Variants in EDC3 observed in about 807,000 individuals in gnomAD.
The protein encoded by EDC3 is enhancer of mRNA decapping 3, also known as enhancer of mRNA-decapping protein 3.
In EDC3, 20 loss-of-function variants were observed where a neutral mutation model predicts 41.8. The observed-to-expected ratio is 0.48, with a 90% CI of 0.34 to 0.70. The LOEUF (loss-of-function observed/expected upper bound fraction) is 0.70, where lower values mean the gene tolerates loss of function less well. EDC3 is among the 30% of genes least tolerant of loss of function. EDC3 has a pLI of 0.01. For synonymous variants in EDC3, 206 were observed against 243.2 expected (o/e 0.85, Z 1.42); for missense variants, 444 against 636.8 (o/e 0.70, Z 3.26).
intron 1 of EDC3, among the ~76,000 whole-genome samples, chr15:74,693,590 C>T (rs181117671): frequency 8.9e-4 from 135 of 152,258 alleles, no homozygotes; most frequent in South Asian, 2.5e-3. Flanking sequence ...TAAGTAGTGT[C>T]CACAAATCAA....
chr15:74,638,239 T>C (rs567425313), intron 5 of EDC3: 2 of 152,112 alleles, frequency 1.3e-5, no homozygotes, highest in African/African-American at 2.4e-5. Context: ...CTTCTCCTTA[T>C]ATGATCTCAT....
chr15:74,649,695 G>C (rs1220731539), intron 4 of EDC3, among the ~76,000 whole-genome samples: 1 of 152,084 alleles, frequency 6.6e-6, no homozygotes, highest in East Asian at 1.9e-4. Flanking sequence ...CCACTTTATA[G>C]ATAAGGAAAC....
At chr15:74,645,724 A>C (rs1567158655) in intron 4 of EDC3, among the ~76,000 whole-genome samples, 1 of 151,792 alleles carries the variant, frequency 6.6e-6, no homozygotes, top group Admixed American at 6.6e-5. Context: ...CAAAAAAAAA[A>C]AAAAAATTAG....
intron 5 of EDC3, 137 bp downstream of exon 5, chr15:74,640,329 A>C: frequency 1.0e-6 from 1 of 976,108 alleles, no homozygotes; most frequent in Non-Finnish European, 1.5e-6. Context: ...CAGGAAAGTG[A>C]CTTCAGAGAG....
intron 1 of EDC3, among the ~76,000 whole-genome samples, 154 bp from the exon 2 acceptor site, chr15:74,675,296 A>T (rs769732731): frequency 2.6e-5 from 4 of 151,920 alleles, no homozygotes; most frequent in Admixed American, 6.6e-5. Flanking sequence ...AAAAATTAAA[A>T]TTTTTTTTCA....
rs375577225 is a variant in EDC3, at chr15:74,632,890, C to T, written c.1249G>A (p.Val417Ile). 41 of 1,614,214 alleles carry T rather than the reference C, an allele frequency of 2.5e-5. No individual in the cohort carries two copies. The highest frequency in any genetic ancestry group is 8.3e-5 in the Admixed American group (5 of 60,034). ...VINCLDCPEN[V>I]FLRDQPWYKA... ...TACCAGGGTTGATCGCGCAGGAAGA[C>T]GTTCTCAGGGCAATCCAGGCAGTTG... The change falls in exon 7 of 7, where the codon GTC becomes ATC. Residue 417 changes from valine to isoleucine, a missense_variant. Val to Ile is a conservative substitution (Grantham distance 29, BLOSUM62 3). This residue lies in a region of EDC3 where 242 missense variants were observed against 363.8 expected (regional missense o/e 0.67). Transcript: ENST00000315127. This position sits in a 1 kb window ranked among gnomAD's most constrained non-coding sequence, Gnocchi z 4.0.
At chr15:74,687,711 AATG>A (rs2062955245) in intron 1 of EDC3, among the ~76,000 whole-genome samples, 2 of 152,214 alleles carry the variant, frequency 1.3e-5, no homozygotes, top group South Asian at 4.1e-4. Context: ...TTTCAACAAT[AATG>A]ATGATGGTAA....
At position 74,681,176 on chromosome 15, in the gene EDC3, C is replaced by T. The variant is rs139725755; in HGVS notation, c.-18-6034G>A. 8.5e-4 allele frequency among the ~76,000 whole-genome samples: 129 copies of T among 152,080 alleles called. 1 individual carries two copies. The East Asian group carries it at 0.018, about 21-fold the overall frequency. ...AGCTAAATCAATATTTTTTTTGAGACGGAGACTCACTTTGTCGCCCAGGCT... is the reference window on the plus strand; with the variant it reads ...AGCTAAATCAATATTTTTTTTGAGATGGAGACTCACTTTGTCGCCCAGGCT... On this transcript the variant is annotated intron_variant, in intron 1 of 6. Coordinates refer to ENST00000315127, the MANE Select transcript of EDC3 (RefSeq NM_025083.5).
At chr15:74,688,658 C>A (rs2062965725) in intron 1 of EDC3, among the ~76,000 whole-genome samples, 1 of 152,206 alleles carries the variant, frequency 6.6e-6, no homozygotes, top group South Asian at 2.1e-4. Flanking sequence ...GTAATCCCAG[C>A]ACTTTGGGAG....
intron 2 of EDC3, among the ~76,000 whole-genome samples, chr15:74,672,216 C>T (rs1195294746): frequency 6.9e-6 from 1 of 144,712 alleles, no homozygotes; most frequent in Non-Finnish European, 1.5e-5. Context: ...TTGCAGTGAG[C>T]CGAGATCCCG....
At chr15:74,677,262 C>T (rs1010286496) in intron 1 of EDC3, among the ~76,000 whole-genome samples, 1 of 151,752 alleles carries the variant, frequency 6.6e-6, no homozygotes, top group Non-Finnish European at 1.5e-5. Flanking sequence ...GGGGTTTCAC[C>T]ATGTTGGTCA....
chr15:74,662,437 T>TA (rs1567168914), intron 3 of EDC3, among the ~76,000 whole-genome samples: 12 of 131,978 alleles, frequency 9.1e-5, no homozygotes, highest in African/African-American at 3.5e-4. Context: ...ATATATATAT[T>TA]TTTTTTTTAA....
At position 74,696,023 on chromosome 15, in the gene EDC3, A is replaced by T. The variant is rs1430403790; in HGVS notation, c.-162T>A. On this transcript the variant is annotated 5_prime_UTR_variant, in exon 1 of 7. Coordinates refer to ENST00000315127, the MANE Select transcript of EDC3 (RefSeq NM_025083.5). The stretch of plus-strand genomic sequence containing the variant: ...CGCCGCCGCTGCCGGAAGCGCCCCC[A>T]CGTCTCCACGCCACCACCGTGAGGT... 1.3e-5 allele frequency: 2 copies of T among 151,910 alleles called. No homozygotes were observed. Among genetic ancestry groups the T allele is most frequent in the Non-Finnish European group, 2.9e-5 (2 of 68,102 alleles). 9.4% of individuals were successfully genotyped at this position (151,910 alleles called of 1,614,324 possible). A position where few individuals can be genotyped will look rare whatever the true frequency, so the allele number is the denominator to read the frequency against.
chr15:74,655,343 G>A (rs1434854687), intron 4 of EDC3, among the ~76,000 whole-genome samples: 1 of 151,908 alleles, frequency 6.6e-6, no homozygotes, highest in Non-Finnish European at 1.5e-5. Context: ...CTGTTTTTTT[G>A]CAACAACAAA....
chr15:74,650,334 T>C (rs2062466313), intron 4 of EDC3, among the ~76,000 whole-genome samples: 1 of 152,236 alleles, frequency 6.6e-6, no homozygotes, highest in East Asian at 1.9e-4. Flanking sequence ...CTCTCTGCCC[T>C]GGCCAAGCCA....
At chr15:74,659,026 G>C (rs918574542) in intron 3 of EDC3, among the ~76,000 whole-genome samples, 1 of 152,180 alleles carries the variant, frequency 6.6e-6, no homozygotes, top group East Asian at 1.9e-4. Context: ...CCAGCTAGAT[G>C]ATGAACCACT....
chr15:74,682,511 G>A (rs912492846), intron 1 of EDC3, among the ~76,000 whole-genome samples: 9 of 151,464 alleles, frequency 5.9e-5, no homozygotes, highest in African/African-American at 1.5e-4. Flanking sequence ...CCAGCTACTC[G>A]GGAGGCTGAG....
chr15:74,660,330 G>GCTACTT (rs1261230200), intron 3 of EDC3, among the ~76,000 whole-genome samples: 5 of 151,874 alleles, frequency 3.3e-5, no homozygotes, highest in African/African-American at 1.2e-4. Context: ...CTGGAACCCA[G>GCTACTT]GAGGTGGAGG....
rs573090021 is a variant in EDC3, at chr15:74,689,650, G to C, written c.-19+6230C>G. 7.9e-5 allele frequency among the ~76,000 whole-genome samples: 12 copies of C among 152,078 alleles called. No individual in the cohort carries two copies. The East Asian group carries it at 2.1e-3, about 27-fold the overall frequency. ...CACCATCCTCCCGCCTCAGCCTCCT[G>C]AGTAGCTGGGACTACAGGTGCCCGC... On this transcript the variant is annotated intron_variant, in intron 1 of 6. Transcript: ENST00000315127.
Sources: allele counts gnomAD v4.1 joint callset (sites outside exome capture counted in the v4.1 genomes callset), GRCh38; gene constraint gnomAD v4.1.1; regional missense constraint gnomAD v4.1.1; non-coding constraint Gnocchi (gnomAD v3.1); transcripts MANE v1.5; gene names NCBI Gene and HGNC (gene_info 2026-07-23, HGNC 2026-07-21).